Variants in NTM observed in about 807,000 individuals in gnomAD.
NTM encodes the protein IgLON family member 2.
NTM carries 13 observed loss-of-function variants against 42.1 expected under a neutral mutation model. The observed-to-expected ratio is 0.31, with a 90% CI of 0.20 to 0.49. The LOEUF (loss-of-function observed/expected upper bound fraction) is 0.49, where lower values mean the gene tolerates loss of function less well. Ranked by LOEUF, NTM falls within the 20% of genes least tolerant of loss-of-function variation. The pLI is 0.99. For synonymous variants in NTM, 187 were observed against 179.2 expected (o/e 1.04, Z -0.35); for missense variants, 373 against 452.8 (o/e 0.82, Z 1.60).
At chr11:132,127,836 G>A (rs7106072) in intron 2 of NTM, among the ~76,000 whole-genome samples, 112,430 of 152,118 alleles carry the variant, frequency 0.74, 42,128 homozygotes, top group Non-Finnish European at 0.78. Context: ...AGGAGAAAGA[G>A]TGTCATGCCG....
chr11:131,940,776 A>T (rs1417895294), intron 2 of NTM, among the ~76,000 whole-genome samples: 1 of 152,208 alleles, frequency 6.6e-6, no homozygotes, highest in African/African-American at 2.4e-5. Context: ...TCAGTGCAGA[A>T]GGGGATTTGT....
rs973095981 is a variant in NTM, at chr11:131,839,119, C to A, written c.83-72445C>A. On this transcript the variant is annotated intron_variant, in intron 1 of 8. Coordinates refer to ENST00000683400, the MANE Select transcript of NTM (RefSeq NM_001352005.2). ...GGGATTACAGGTGCACACCACCACA[C>A]CCAGCTAATTTTTTGTATTTTTAGT... Among the ~76,000 whole-genome samples, 3 of 152,022 alleles carry A rather than the reference C, an allele frequency of 2.0e-5. No homozygotes were observed. The East Asian group carries it at 5.8e-4, about 29-fold the overall frequency.
At chr11:131,837,386 G>T (rs1467306213) in intron 1 of NTM, among the ~76,000 whole-genome samples, 3 of 151,988 alleles carry the variant, frequency 2.0e-5, no homozygotes, top group African/African-American at 7.3e-5. Flanking sequence ...TTATAATTTG[G>T]GTATTCACTG....
chr11:132,291,392 G>GA (rs1385838786), intron 4 of NTM, among the ~76,000 whole-genome samples: 1 of 152,092 alleles, frequency 6.6e-6, no homozygotes, highest in Admixed American at 6.5e-5. Context: ...ATGAATAAGA[G>GA]AAAAACTGAA....
chr11:131,949,320 ATATGT>A (rs1430513791), intron 2 of NTM, among the ~76,000 whole-genome samples: 2 of 152,154 alleles, frequency 1.3e-5, no homozygotes, highest in African/African-American at 4.8e-5. Flanking sequence ...GGGCGTGCTA[ATATGT>A]TATGTACATT....
At chr11:131,393,565 C>T (rs1281419594) in intron 1 of NTM, among the ~76,000 whole-genome samples, 1 of 152,182 alleles carries the variant, frequency 6.6e-6, no homozygotes, top group African/African-American at 2.4e-5. Context: ...ATCCTGGGTG[C>T]TTCTTTCCTG....
chr11:132,330,519 ATCT>A (rs1297798871), intron 8 of NTM, among the ~76,000 whole-genome samples: 1 of 152,150 alleles, frequency 6.6e-6, no homozygotes, highest in Non-Finnish European at 1.5e-5. Flanking sequence ...TAATGCAGCG[ATCT>A]TCTCAGACCT....
Position 132,307,905 on chromosome 11 carries a change from C to CAGCCAGCTACTGACTTAG in NTM, c.661+83_661+100dup, listed in dbSNP as rs1358789360. The CAGCCAGCTACTGACTTAG allele has an allele frequency of 7.1e-5, 96 of 1,344,772 alleles. 1 individual carries two copies. The East Asian group carries it at 1.9e-3, about 26-fold the overall frequency. The allele number at this position is 1,344,772 out of a possible 1,614,324, so 83.3% of individuals were successfully genotyped here. ...AGCCACCACCCAGAGCCCATTGGCACAGCCAGCTACTGACTTAGGGTGGGA... is the reference window on the plus strand; with the variant it reads ...AGCCACCACCCAGAGCCCATTGGCACAGCCAGCTACTGACTTAGAGCCAGCTACTGACTTAGGGTGGGA... On this transcript the variant is annotated intron_variant, in intron 5 of 8. Coordinates refer to ENST00000683400, the MANE Select transcript of NTM (RefSeq NM_001352005.2).
intron 2 of NTM, among the ~76,000 whole-genome samples, chr11:131,953,295 G>A (rs1443599733): frequency 1.3e-5 from 2 of 152,012 alleles, no homozygotes; most frequent in African/African-American, 2.4e-5. Context: ...ATAGTTTCAC[G>A]ATATATCTTA....
intron 1 of NTM, among the ~76,000 whole-genome samples, chr11:131,820,609 A>C (rs2093145575): frequency 1.3e-5 from 2 of 152,160 alleles, no homozygotes; most frequent in Non-Finnish European, 2.9e-5. Context: ...TCTCCCACAG[A>C]GTTCACTATC....
intron 1 of NTM, among the ~76,000 whole-genome samples, chr11:131,494,437 C>A (rs770510057): frequency 1.3e-5 from 2 of 152,184 alleles, no homozygotes; most frequent in African/African-American, 2.4e-5. Context: ...AGAGGAGATA[C>A]TAGCTCATGC....
At chr11:131,719,196 C>T (rs79647839) in intron 1 of NTM, among the ~76,000 whole-genome samples, 290 of 152,296 alleles carry the variant, frequency 1.9e-3, no homozygotes, top group African/African-American at 6.5e-3. Flanking sequence ...AGACGTAAGC[C>T]CGCGCCCAGT....
chr11:131,746,104 T>C (rs1388908520), intron 1 of NTM, among the ~76,000 whole-genome samples: 3 of 152,016 alleles, frequency 2.0e-5, no homozygotes, highest in African/African-American at 7.2e-5. Context: ...CTTTACCCTC[T>C]TTGTGGGAGT....
intron 1 of NTM, among the ~76,000 whole-genome samples, chr11:131,498,867 C>T (rs1305144156): frequency 6.6e-6 from 1 of 152,170 alleles, no homozygotes; most frequent in Non-Finnish European, 1.5e-5. Context: ...AGGAGGATGC[C>T]AGCTCATGCC....
At chr11:132,257,911 T>C (rs1315806069) in intron 4 of NTM, among the ~76,000 whole-genome samples, 3 of 152,188 alleles carry the variant, frequency 2.0e-5, no homozygotes, top group South Asian at 2.1e-4. Flanking sequence ...GATTTCCTAA[T>C]AGATTGCTCA....
chr11:131,462,172 A>G (rs1444794318), intron 1 of NTM, among the ~76,000 whole-genome samples: 2 of 152,238 alleles, frequency 1.3e-5, no homozygotes, highest in Non-Finnish European at 2.9e-5. Context: ...TGAATACTGT[A>G]TTATTCCATT....
At chr11:131,538,455 A>T (rs1037564924) in intron 1 of NTM, 2 of 152,184 alleles carry the variant, frequency 1.3e-5, no homozygotes, top group African/African-American at 4.8e-5. Context: ...CGTGTAGGAG[A>T]TCCTACTCTG....
intron 1 of NTM, among the ~76,000 whole-genome samples, chr11:131,864,066 GGGAA>G (rs1055798783): frequency 6.6e-6 from 1 of 151,990 alleles, no homozygotes; most frequent in South Asian, 2.1e-4. Context: ...GAGGAAAGGA[GGGAA>G]GGAAGGAAGA....
intron 2 of NTM, among the ~76,000 whole-genome samples, chr11:132,143,492 A>G (rs536860217): frequency 4.6e-5 from 7 of 152,374 alleles, no homozygotes; most frequent in African/African-American, 1.4e-4. Context: ...CTACAGTTTA[A>G]TATCAGCATG....
Sources: allele counts gnomAD v4.1 joint callset (sites outside exome capture counted in the v4.1 genomes callset), GRCh38; gene constraint gnomAD v4.1.1; transcripts MANE v1.5; gene names NCBI Gene and HGNC (gene_info 2026-07-23, HGNC 2026-07-21).